The following AKAP13 variants were observed in gnomAD, a reference collection of about 807,000 sequenced individuals.
AKAP13 encodes A-kinase anchor protein 13.
Under a neutral mutation model 264.5 loss-of-function variants are expected in AKAP13, and 80 were observed. The observed-to-expected ratio is 0.30, with a 90% CI of 0.25 to 0.36. The LOEUF (loss-of-function observed/expected upper bound fraction) is 0.36. Ranked by LOEUF, AKAP13 falls within the 10% of genes least tolerant of loss-of-function variation. AKAP13 has a pLI of 1.00. For synonymous variants in AKAP13, 1,380 were observed against 1,250.2 expected (o/e 1.10, Z -2.19); for missense variants, 3,712 against 3,435.2 (o/e 1.08, Z -2.01).
chr15:85,577,315 A>G (rs2079046979), intron 6 of AKAP13, among the ~76,000 whole-genome samples: 1 of 108,164 alleles, frequency 9.2e-6, no homozygotes, highest in Admixed American at 9.4e-5. Context: ...ATTGCAGTAG[A>G]TCAGGTAATG....
rs181730010 is a variant in AKAP13, at chr15:85,387,445, G to A, written c.-12+6647G>A. On this transcript the variant is annotated intron_variant, in intron 1 of 36. Transcript: ENST00000394518. Reference sequence around the variant, plus strand: ...TCCTGGGCCCAAGCGATTCTCCCACGTCAGCCTCCCAAGTAGTTGGGATCA... The same window carrying A: ...TCCTGGGCCCAAGCGATTCTCCCACATCAGCCTCCCAAGTAGTTGGGATCA... 7.9e-5 allele frequency among the ~76,000 whole-genome samples: 12 copies of A among 152,200 alleles called. No individual in the cohort carries two copies. The East Asian group carries it at 2.1e-3, about 27-fold the overall frequency.
At chr15:85,453,183 A>C (rs1459730719) in intron 1 of AKAP13, among the ~76,000 whole-genome samples, 1 of 152,180 alleles carries the variant, frequency 6.6e-6, no homozygotes, top group Non-Finnish European at 1.5e-5. Flanking sequence ...GAGGGTGGCA[A>C]GGGCAGTTCC....
intron 10 of AKAP13, among the ~76,000 whole-genome samples, chr15:85,653,768 G>A (rs767685750): frequency 1.3e-5 from 2 of 152,094 alleles, no homozygotes; most frequent in Admixed American, 1.3e-4. Flanking sequence ...GCCCTTCCCT[G>A]TTCCCTGCCC....
At chr15:85,654,608 CA>C (rs763266469) in intron 10 of AKAP13, among the ~76,000 whole-genome samples, 26 of 152,016 alleles carry the variant, frequency 1.7e-4, no homozygotes, top group Non-Finnish European at 1.2e-4. Flanking sequence ...AAGAGGATCC[CA>C]GGAGTTGAAG....
chr15:85,662,305 CT>C, intron 12 of AKAP13: 1 of 1,421,200 alleles, frequency 7.0e-7, no homozygotes, highest in Non-Finnish European at 9.9e-7. Context: ...TAACTATGCC[CT>C]TCGTTTTTAA....
chr15:85,619,152 GGGA>G (rs568427036), intron 8 of AKAP13, among the ~76,000 whole-genome samples: 2 of 151,864 alleles, frequency 1.3e-5, no homozygotes, highest in East Asian at 1.9e-4. Context: ...TCATAGGGGT[GGGA>G]GGAGGAGGAG....
At chr15:85,415,148 T>C in intron 1 of AKAP13, 1 of 787,052 alleles carries the variant, frequency 1.3e-6, no homozygotes, top group South Asian at 1.5e-5. Context: ...GAAATACCTT[T>C]AAAAAAAAAT....
intron 1 of AKAP13, among the ~76,000 whole-genome samples, chr15:85,453,573 T>A (rs2074169685): frequency 6.6e-6 from 1 of 152,188 alleles, no homozygotes; most frequent in Non-Finnish European, 1.5e-5. Context: ...AGACTCCAGT[T>A]GGGAGGTCCC....
chr15:85,386,883 G>C (rs1397686606), intron 1 of AKAP13, among the ~76,000 whole-genome samples: 1 of 151,888 alleles, frequency 6.6e-6, no homozygotes, highest in Non-Finnish European at 1.5e-5. Context: ...TGTCACCTTA[G>C]AGTAAGTTTT....
At chr15:85,659,617 AC>A (rs2083249200) in intron 12 of AKAP13, among the ~76,000 whole-genome samples, 1 of 76,424 alleles carries the variant, frequency 1.3e-5, no homozygotes, top group African/African-American at 5.1e-5. Flanking sequence ...CTTTGGAGAT[AC>A]GTTTGTCTGG....
chr15:85,645,876 A>C lies in AKAP13; in HGVS notation c.4296A>C (p.Val1432=). 1 of 1,613,098 alleles carries C rather than the reference A, an allele frequency of 6.2e-7. No individual in the cohort carries two copies. The highest frequency in any genetic ancestry group is 8.5e-7 in the Non-Finnish European group (1 of 1,179,846). ...LGRECTSKQG[V]LKRESGSDSD... ...GAGAGTGTACCTCAAAACAAGGTGT[A>C]CTTAAAAGAGAATCTGGGAGTGATT... is the stretch of plus-strand genomic sequence containing the variant. Residue 1432 remains valine, a synonymous_variant, in exon 10 of 37, where the codon GTA becomes GTC. Transcript: ENST00000394518.
At chr15:85,411,982 T>A (rs1478785310) in intron 1 of AKAP13, among the ~76,000 whole-genome samples, 2 of 152,244 alleles carry the variant, frequency 1.3e-5, no homozygotes, top group African/African-American at 4.8e-5. Flanking sequence ...TTAAAAGCTT[T>A]ATGAGTAAAG....
rs758856423 is a variant in AKAP13 at position 85,582,040 on chromosome 15, A to G, written c.3972A>G (p.Gly1324=). 3 of 1,614,006 alleles carry G rather than the reference A, an allele frequency of 1.9e-6. No individual in the cohort carries two copies. The highest frequency in any genetic ancestry group is 2.2e-5 in the East Asian group (1 of 44,884). ...AGGAAGCCACGGGGAGCCTTGCAGGATGTTTTGCTGGAAGGGAGGAGCCAG... is the reference window on the plus strand; with the variant it reads ...AGGAAGCCACGGGGAGCCTTGCAGGGTGTTTTGCTGGAAGGGAGGAGCCAG... ...TPEEATGSLA[G]CFAGREEPEK... The change falls in exon 7 of 37, where the codon GGA becomes GGG. Residue 1324 remains glycine (G), a synonymous_variant. Transcript: ENST00000394518.
intron 2 of AKAP13, among the ~76,000 whole-genome samples, chr15:85,516,557 C>G (rs2076606872): frequency 6.6e-6 from 1 of 152,164 alleles, no homozygotes; most frequent in South Asian, 2.1e-4. Flanking sequence ...AGGGTTTTGT[C>G]TTATAGCAAG....
chr15:85,499,777 C>T (rs1485823701), intron 2 of AKAP13, among the ~76,000 whole-genome samples: 2 of 152,134 alleles, frequency 1.3e-5, no homozygotes, highest in Non-Finnish European at 2.9e-5. Context: ...ATCACTCCTA[C>T]TCCTATGCCC....
chr15:85,557,439 T>A (rs1474057116), intron 5 of AKAP13, among the ~76,000 whole-genome samples: 1 of 152,230 alleles, frequency 6.6e-6, no homozygotes, highest in African/African-American at 2.4e-5. Flanking sequence ...CAACAAATTA[T>A]AGAGCTTCTT....
intron 13 of AKAP13, among the ~76,000 whole-genome samples, chr15:85,667,703 T>A (rs1346098676): frequency 6.6e-6 from 1 of 152,236 alleles, no homozygotes; most frequent in African/African-American, 2.4e-5. Context: ...TAAGTGGCTA[T>A]TAGCTGAACA....
At chr15:85,544,201 TCTC>T (rs1342645478) in intron 5 of AKAP13, 1 of 632,154 alleles carries the variant, frequency 1.6e-6, no homozygotes. Flanking sequence ...TCAATTCTTA[TCTC>T]TTATATTTTA....
At chr15:85,451,370 A>G (rs1249858211) in intron 1 of AKAP13, among the ~76,000 whole-genome samples, 1 of 152,156 alleles carries the variant, frequency 6.6e-6, no homozygotes, top group Non-Finnish European at 1.5e-5. Context: ...GCCTGTTTAC[A>G]TTCAAGATTA....
Sources: allele counts gnomAD v4.1 joint callset (sites outside exome capture counted in the v4.1 genomes callset), GRCh38; gene constraint gnomAD v4.1.1; transcripts MANE v1.5; gene names NCBI Gene and HGNC (gene_info 2026-07-23, HGNC 2026-07-21).